The following GOLGA8M variants were observed in gnomAD, a reference collection of about 807,000 sequenced individuals.
The protein encoded by GOLGA8M is golgin A8 family member M, also known as golgin subfamily A member 8M.
Under a neutral mutation model 87.7 loss-of-function variants are expected in GOLGA8M, and 34 were observed. The ratio of observed to expected loss-of-function variants is 0.39; its 90% confidence interval spans 0.29 to 0.52. GOLGA8M has a LOEUF of 0.52. GOLGA8M is among the 20% of genes least tolerant of loss of function. The pLI, the probability that GOLGA8M is intolerant of heterozygous loss-of-function variation, is 0.80. For missense variants in GOLGA8M, 396 were observed against 682.2 expected (o/e 0.58, Z 4.67); for synonymous variants, 138 against 250.2 (o/e 0.55, Z 4.23).
At position 28,702,728 on chromosome 15, in the gene GOLGA8M, G is replaced by T. The variant is rs780644237; in HGVS notation, c.1386C>A (p.His462Gln). ...SREAMSSFMD[H>Q]LEEKADLSEL... The stretch of plus-strand genomic sequence containing the variant: ...CACTCAGGTCTGCCTTCTCCTCCAG[G>T]TGGTCCATAAAGCTGCTCTGGAGCC... The change falls in exon 16 of 19, where the codon CAC becomes CAA. Residue 462 changes from histidine (H) to glutamine (Q), a missense_variant. Coordinates refer to ENST00000563027, the MANE Select transcript of GOLGA8M (RefSeq NM_001282468.3). 146 of 1,601,260 alleles carry T rather than the reference G, an allele frequency of 9.1e-5. No individual in the cohort carries two copies. Among genetic ancestry groups the T allele is most frequent in the Middle Eastern group, 1.8e-4 (1 of 5,532 alleles).
At chr15:28,702,604 G>T (rs763737628) in intron 16 of GOLGA8M, 41 bp downstream of exon 16, 8 of 1,610,012 alleles carry the variant, frequency 5.0e-6, no homozygotes, top group South Asian at 1.1e-5. Flanking sequence ...CCCTCCGACG[G>T]TCCTGCAGCT....
In GOLGA8M at chr15:28,705,147, C is replaced by A. The variant is rs749306143; in HGVS notation, c.1200+12G>T. On this transcript the variant is annotated intron_variant, in intron 13 of 18. Coordinates refer to ENST00000563027, the MANE Select transcript of GOLGA8M (RefSeq NM_001282468.3). ...CCTTCTTGGATGGGGTGGAGGTTTC[C>A]GACTCCTTCACCTCGCCAAGCTTCT... The A allele has an allele frequency of 7.5e-6, 12 of 1,598,240 alleles. No individual in the cohort carries two copies. In the East Asian group the frequency reaches 2.5e-4, roughly 33 times the overall value.
chr15:28,712,045 C>T (rs2080210900), intron 1 of GOLGA8M: 6 of 985,038 alleles, frequency 6.1e-6, no homozygotes, highest in Non-Finnish European at 7.2e-6. Flanking sequence ...CGGGAAGCCC[C>T]AGGAGTCACC....
intron 12 of GOLGA8M, 96 bp downstream of exon 12, chr15:28,705,387 T>G (rs1799069368): frequency 1.5e-6 from 2 of 1,294,018 alleles, no homozygotes; most frequent in Non-Finnish European, 2.2e-6. Flanking sequence ...GAAGTAACAT[T>G]TCATGTGAGG....
In GOLGA8M at chr15:28,711,909, G is replaced by T. The variant is rs2080206575; in HGVS notation, c.48+367C>A. 4.1e-6 allele frequency: 4 copies of T among 985,108 alleles called. 1 individual carries two copies. Among genetic ancestry groups the T allele is most frequent in the Non-Finnish European group, 4.8e-6 (4 of 829,846 alleles). The allele number at this position is 985,108 out of a possible 1,614,324, so 61.0% of individuals were successfully genotyped here. ...GAGTCTGCAGCAGGGAGCCCCAGGAGTCACCAGCCCAAAGTCACCCAGGGA... is the reference window on the plus strand; with the variant it reads ...GAGTCTGCAGCAGGGAGCCCCAGGATTCACCAGCCCAAAGTCACCCAGGGA... On this transcript the variant is annotated intron_variant, in intron 1 of 18. Transcript: ENST00000563027.
intron 1 of GOLGA8M, chr15:28,711,619 G>C (rs776680262): frequency 1.9e-5 from 19 of 985,036 alleles, no homozygotes; most frequent in African/African-American, 5.3e-5. Context: ...CCTGTGACCA[G>C]AGGAACCAGA....
chr15:28,708,064 T>C (rs1385014846), intron 6 of GOLGA8M, 27 bp from the exon 7 acceptor site: 1 of 1,606,704 alleles, frequency 6.2e-7, no homozygotes, highest in Non-Finnish European at 8.5e-7. Flanking sequence ...AAGCAAGTGC[T>C]GAAAGAGAAG....
chr15:28,708,221 G>T, intron 5 of GOLGA8M, 48 bp from the exon 6 acceptor site: 1 of 1,258,910 alleles, frequency 7.9e-7, no homozygotes, highest in Non-Finnish European at 1.1e-6. Flanking sequence ...GGCAGAGATG[G>T]CACAGCAAGA....
chr15:28,711,913 C>G, intron 1 of GOLGA8M: 7 of 985,052 alleles, frequency 7.1e-6, no homozygotes, highest in Non-Finnish European at 8.4e-6. Flanking sequence ...CCAGGAGTCA[C>G]CAGCCCAAAG....
chr15:28,702,612 G>A (rs765012931), intron 16 of GOLGA8M, 33 bp downstream of exon 16: 7 of 1,610,164 alleles, frequency 4.3e-6, no homozygotes, highest in Non-Finnish European at 5.9e-6. Context: ...CGGTCCTGCA[G>A]CTCCCCCTGC....
chr15:28,709,871 TG>T (rs1385630681), intron 2 of GOLGA8M, among the ~76,000 whole-genome samples: 1 of 147,788 alleles, frequency 6.8e-6, no homozygotes, highest in African/African-American at 2.5e-5. Flanking sequence ...GACCATATCC[TG>T]GGTGTCCTGA....
At chr15:28,707,392 A>G (rs149194725) in intron 8 of GOLGA8M, among the ~76,000 whole-genome samples, 7 of 144,130 alleles carry the variant, frequency 4.9e-5, no homozygotes, top group African/African-American at 1.6e-4. Flanking sequence ...ACACATGCAC[A>G]CGTTTCCTCT....
In GOLGA8M at chr15:28,701,364, A is replaced by C. The variant is rs1233531254; in HGVS notation, c.*590T>G. Among the ~76,000 whole-genome samples the C allele has an allele frequency of 6.6e-6, 1 of 151,770 alleles. No homozygotes were observed. Among genetic ancestry groups the C allele is most frequent in the African/African-American group, 2.4e-5 (1 of 41,178 alleles). ...CCCAAAAGGTTTCACTCCCATCACCAATACACAGAAAATGGAGGAAAGGCT... is the reference window on the plus strand; with the variant it reads ...CCCAAAAGGTTTCACTCCCATCACCCATACACAGAAAATGGAGGAAAGGCT... On this transcript the variant is annotated 3_prime_UTR_variant, in exon 19 of 19. Transcript: ENST00000563027.
At chr15:28,711,662 T>C (rs1200608320) in intron 1 of GOLGA8M, 1 of 984,616 alleles carries the variant, frequency 1.0e-6, no homozygotes, top group East Asian at 1.1e-4. Flanking sequence ...GACTGGGTCA[T>C]AAGATCAAAG....
At position 28,702,238 on chromosome 15, in the gene GOLGA8M, G is replaced by C; in HGVS notation, c.1699C>G (p.Leu567Val). The C allele has an allele frequency of 6.3e-7, 1 of 1,587,220 alleles. No individual in the cohort carries two copies. The highest frequency in any genetic ancestry group is 1.1e-5 in the South Asian group (1 of 90,106). Residue 567 changes from leucine (L) to valine (V), a missense_variant, in exon 18 of 19, where the codon CTT (leucine) becomes GTT (valine). Transcript: ENST00000563027. ...CCACCATGCTTGTCTGCAGCCCCAA[G>C]CTCCTGGGGAGCTGGGGCTCCTGGA... is the stretch of plus-strand genomic sequence containing the variant. Reference protein sequence around the residue: ...PGPGAPAPQELGAADKHGDLC... With the variant: ...PGPGAPAPQEVGAADKHGDLC...
At position 28,712,376 on chromosome 15, in the gene GOLGA8M, A is replaced by C. The variant is rs2080221281; in HGVS notation, c.-53T>G. 6 of 1,446,398 alleles carry C rather than the reference A, an allele frequency of 4.1e-6. No individual in the cohort carries two copies. Among genetic ancestry groups the C allele is most frequent in the Non-Finnish European group, 5.7e-6 (6 of 1,059,646 alleles). 89.6% of individuals were successfully genotyped at this position (1,446,398 alleles called of 1,614,324 possible). On this transcript the variant is annotated 5_prime_UTR_variant, in exon 1 of 19. Coordinates refer to ENST00000563027, the MANE Select transcript of GOLGA8M (RefSeq NM_001282468.3). Reference sequence around the variant, plus strand: ...GGGCCACAGCAGCAAAATCGCAATGAGAACCGATCAAGGCCTCCAGTCACC... The same window carrying C: ...GGGCCACAGCAGCAAAATCGCAATGCGAACCGATCAAGGCCTCCAGTCACC...
Position 28,702,022 on chromosome 15 carries a change from G to C in GOLGA8M, c.1831C>G (p.Pro611Ala), listed in dbSNP as rs1480976503. ...QPIVQDHQEH[P>A]GLGSNCCVPF... is the part of the protein sequence containing the mutation. ...ACACAGCAGTTGCTGCCCAAGCCTG[G>C]GTGCTCCTGGTGGTCCTGCACGATC... The change falls in exon 19 of 19, where the codon CCA (proline) becomes GCA (alanine). Residue 611 changes from proline to alanine, a missense_variant. By Grantham distance (27) the Pro-to-Ala change is conservative. This residue lies in a region of GOLGA8M where 35 missense variants were observed against 61.4 expected (regional missense o/e 0.57). Coordinates refer to ENST00000563027, the MANE Select transcript of GOLGA8M (RefSeq NM_001282468.3). The C allele has an allele frequency of 6.3e-7, 1 of 1,597,676 alleles. No individual in the cohort carries two copies. The highest frequency in any genetic ancestry group is 8.5e-7 in the Non-Finnish European group (1 of 1,179,684).
At position 28,699,407 on chromosome 15, in the gene GOLGA8M, G is replaced by C. The variant is rs1452513463; in HGVS notation, c.*2547C>G. Among the ~76,000 whole-genome samples, 1 of 147,428 alleles carries C rather than the reference G, an allele frequency of 6.8e-6. No homozygotes were observed. Among genetic ancestry groups the C allele is most frequent in the African/African-American group, 2.5e-5 (1 of 39,622 alleles). On this transcript the variant is annotated 3_prime_UTR_variant, in exon 19 of 19. Coordinates refer to ENST00000563027, the MANE Select transcript of GOLGA8M (RefSeq NM_001282468.3). ...TGAGGAAGAGCACAAATACTCGGCTGAATGAGGTATCGCAAAAGACTGCAT... is the reference window on the plus strand; with the variant it reads ...TGAGGAAGAGCACAAATACTCGGCTCAATGAGGTATCGCAAAAGACTGCAT...
chr15:28,706,445 C>T lies in GOLGA8M; in HGVS notation c.740G>A (p.Gly247Glu), dbSNP rs1419564637. ...ERDEYSEHLK[G>E]ERARWQQRMR... ...CCTCTGCTGCCACCGGGCCCTCTCT[C>T]CTTTTAGATGTTCAGAATACTCATC... is the stretch of plus-strand genomic sequence containing the variant. Residue 247 changes from glycine (G) to glutamate (E), a missense_variant, in exon 10 of 19, where the codon GGA becomes GAA. Gly to Glu is a moderately conservative substitution (Grantham distance 98, BLOSUM62 -2). This residue lies in a region of GOLGA8M where 16 missense variants were observed against 19.8 expected (regional missense o/e 0.81). Transcript: ENST00000563027. The T allele has an allele frequency of 4.6e-6, 5 of 1,087,636 alleles. No individual in the cohort carries two copies. The highest frequency in any genetic ancestry group is 6.9e-6 in the Non-Finnish European group (5 of 725,866). 67.4% of individuals were successfully genotyped at this position (1,087,636 alleles called of 1,614,324 possible). A position where few individuals can be genotyped will look rare whatever the true frequency, so the allele number is the denominator to read the frequency against.
Sources: gnomAD v4.1 joint callset for allele counts (sites outside exome capture counted in the v4.1 genomes callset) on GRCh38, gnomAD v4.1.1 for gene constraint, gnomAD v4.1.1 regional missense constraint, MANE v1.5 for transcripts, NCBI Gene and HGNC (gene_info 2026-07-23, HGNC 2026-07-21) for gene names.